The following ZNF169 variants were observed in gnomAD, a reference collection of about 807,000 sequenced individuals.
ZNF169 encodes zinc finger protein 169.
ZNF169 carries 11 observed loss-of-function variants against 12.0 expected under a neutral mutation model. The observed-to-expected ratio is 0.92, with a 90% CI of 0.58 to 1.52. The LOEUF (loss-of-function observed/expected upper bound fraction) is 1.52. Among genes scored for constraint, ZNF169 ranks in the 40% most tolerant of loss-of-function variants. The pLI is 0.00. For synonymous variants in ZNF169, 302 were observed against 286.5 expected, an observed-to-expected ratio of 1.05 and a Z score of -0.55; for missense variants, 722 against 744.0, an observed-to-expected ratio of 0.97 and a Z score of 0.34.
intron 1 of ZNF169, among the ~76,000 whole-genome samples, chr9:94,271,957 G>A (rs1379904693): frequency 1.5e-4 from 23 of 152,156 alleles, no homozygotes; most frequent in Non-Finnish European, 1.2e-4. Context: ...TTATCTGTGA[G>A]CCTGAACTTT....
rs369258975 is a variant in ZNF169, at chr9:94,292,356, C to T, written c.49C>T (p.Arg17Trp). Residue 17 changes from arginine (R) to tryptophan (W), a missense_variant, in exon 3 of 5, where the codon CGG (arginine) becomes TGG (tryptophan). Transcript: ENST00000395395. ...TTRKEALMAF[R>W]DVAVAFTQKE... is the part of the protein sequence containing the mutation. Reference sequence around the variant, plus strand: ...TGTGTTACAGGCATTGATGGCCTTCCGGGATGTGGCTGTGGCCTTCACCCA... The same window carrying T: ...TGTGTTACAGGCATTGATGGCCTTCTGGGATGTGGCTGTGGCCTTCACCCA... 27 of 1,614,074 alleles carry T rather than the reference C, an allele frequency of 1.7e-5. No individual in the cohort carries two copies. Among genetic ancestry groups the T allele is most frequent in the Middle Eastern group, 1.7e-4 (1 of 6,056 alleles).
rs1564094139 is a variant in ZNF169, at chr9:94,300,102, G to A, written c.544G>A (p.Gly182Arg). 6.2e-7 allele frequency: 1 copy of A among 1,614,080 alleles called. No individual in the cohort carries two copies. The highest frequency in any genetic ancestry group is 8.5e-7 in the Non-Finnish European group (1 of 1,180,046). Residue 182 changes from glycine (G) to arginine (R), a missense_variant, in exon 5 of 5, where the codon GGA becomes AGA. Physicochemically the swap from Gly to Arg is moderately radical, Grantham distance 125. Coordinates refer to ENST00000395395, the MANE Select transcript of ZNF169 (RefSeq NM_194320.4). ...AGAATGGGTAGAAGGGAACAGAGAA[G>A]GAGGAACAGACCTTCGCCTGGCCCA... ...PVEWVEGNRE[G>R]GTDLRLAQRM...
At chr9:94,290,519 A>G (rs1587685492) in intron 2 of ZNF169, among the ~76,000 whole-genome samples, 1 of 152,060 alleles carries the variant, frequency 6.6e-6, no homozygotes, top group East Asian at 1.9e-4. Context: ...TGACTGGCTT[A>G]TGTCACTTGG....
chr9:94,279,428 T>A (rs1830584267), intron 2 of ZNF169, among the ~76,000 whole-genome samples: 1 of 148,112 alleles, frequency 6.8e-6, no homozygotes, highest in African/African-American at 2.5e-5. Flanking sequence ...AAAGAGAAAT[T>A]GTCTGATTTG....
intron 1 of ZNF169, among the ~76,000 whole-genome samples, chr9:94,267,781 A>G (rs1830319446): frequency 1.3e-5 from 2 of 151,464 alleles, no homozygotes; most frequent in African/African-American, 4.8e-5. Flanking sequence ...CTCTATTCTG[A>G]TGTCACAATC....
intron 2 of ZNF169, among the ~76,000 whole-genome samples, chr9:94,282,896 TACTATTCAGA>T (rs1325023215): frequency 1.3e-5 from 2 of 152,182 alleles, no homozygotes; most frequent in Admixed American, 6.5e-5. Flanking sequence ...ATTTAAAATG[TACTATTCAGA>T]AGATTTTATT....
chr9:94,266,489 CATA>C (rs1830296315), intron 1 of ZNF169, among the ~76,000 whole-genome samples: 1 of 152,186 alleles, frequency 6.6e-6, no homozygotes. Flanking sequence ...CCTGCTGAAA[CATA>C]GTAGTGTGCA....
intron 1 of ZNF169, among the ~76,000 whole-genome samples, chr9:94,269,452 A>G (rs1027004387): frequency 2.6e-5 from 4 of 152,222 alleles, no homozygotes; most frequent in Non-Finnish European, 5.9e-5. Flanking sequence ...TTGCGCATGC[A>G]TGAAACAGCC....
In ZNF169 at chr9:94,300,448, G is replaced by A. The variant is rs752335559; in HGVS notation, c.890G>A (p.Arg297Gln). Residue 297 changes from arginine to glutamine, a missense_variant, in exon 5 of 5, where the codon CGA becomes CAA. By Grantham distance (43) the Arg-to-Gln change is conservative. Coordinates refer to ENST00000395395, the MANE Select transcript of ZNF169 (RefSeq NM_194320.4). ...EKPYVCRECGRHFRYTSSLTN... is the reference protein window; with the variant it reads ...EKPYVCRECGQHFRYTSSLTN... ...CCGTATGTGTGCAGGGAATGTGGGC[G>A]ACACTTCAGGTATACATCCTCTCTC... 6 of 1,614,080 alleles carry A rather than the reference G, an allele frequency of 3.7e-6. No homozygotes were observed. The highest frequency in any genetic ancestry group is 4.5e-5 in the East Asian group (2 of 44,866).
intron 2 of ZNF169, 141 bp downstream of exon 2, chr9:94,278,986 T>A: frequency 1.3e-6 from 1 of 768,356 alleles, no homozygotes; most frequent in East Asian, 2.7e-5. Context: ...TTTCTCTCAG[T>A]CTTATTTGCT....
chr9:94,281,652 T>C (rs1040304680), intron 2 of ZNF169, among the ~76,000 whole-genome samples: 17 of 152,246 alleles, frequency 1.1e-4, no homozygotes, highest in African/African-American at 3.9e-4. Flanking sequence ...GTGTACAGCT[T>C]AGTTTTATAT....
At chr9:94,277,744 A>G (rs1476412812) in intron 1 of ZNF169, among the ~76,000 whole-genome samples, 1 of 151,864 alleles carries the variant, frequency 6.6e-6, no homozygotes, top group African/African-American at 2.4e-5. Flanking sequence ...ATCCTGGCTA[A>G]CACAGTGAAA....
chr9:94,277,463 A>G (rs1830544243), intron 1 of ZNF169, among the ~76,000 whole-genome samples: 1 of 152,194 alleles, frequency 6.6e-6, no homozygotes, highest in Non-Finnish European at 1.5e-5. Flanking sequence ...ATTTCAAGGT[A>G]TGGCAAGTAA....
chr9:94,264,227 C>T (rs184366638), intron 1 of ZNF169, among the ~76,000 whole-genome samples: 9 of 152,314 alleles, frequency 5.9e-5, no homozygotes, highest in Admixed American at 5.2e-4. Flanking sequence ...ACTTCTGCCT[C>T]GCGGGTTCAA....
intron 3 of ZNF169, 163 bp downstream of exon 3, chr9:94,292,630 TG>T: frequency 1.2e-6 from 1 of 852,630 alleles, no homozygotes; most frequent in Non-Finnish European, 1.8e-6. Flanking sequence ...TGTGTGTGTG[TG>T]TGTGTGTGTG....
chr9:94,263,615 G>A (rs1174988351), intron 1 of ZNF169, among the ~76,000 whole-genome samples: 2 of 150,864 alleles, frequency 1.3e-5, no homozygotes, highest in African/African-American at 2.4e-5. Context: ...TCTCCAACTC[G>A]TGGGCTTAAG....
chr9:94,269,322 G>T (rs1830350450), intron 1 of ZNF169, among the ~76,000 whole-genome samples: 1 of 151,874 alleles, frequency 6.6e-6, no homozygotes, highest in African/African-American at 2.4e-5. Flanking sequence ...CGGACAAATG[G>T]CTTCGCAAGC....
At chr9:94,268,461 A>G (rs1830330848) in intron 1 of ZNF169, among the ~76,000 whole-genome samples, 1 of 152,280 alleles carries the variant, frequency 6.6e-6, no homozygotes, top group African/African-American at 2.4e-5. Context: ...TAATTTTTAT[A>G]CCAAATAAGC....
Position 94,301,080 on chromosome 9 carries a change from C to T in ZNF169, c.1522C>T (p.His508Tyr). ...KSLLTRHQRT[H>Y]SEEELYVDRV... Reference sequence around the variant, plus strand: ...GCTCCTCACCCGACACCAGAGGACACACTCAGAGGAGGAGCTTTACGTAGA... The same window carrying T: ...GCTCCTCACCCGACACCAGAGGACATACTCAGAGGAGGAGCTTTACGTAGA... Residue 508 changes from histidine to tyrosine, a missense_variant, in exon 5 of 5, where the codon CAC (histidine) becomes TAC (tyrosine). By Grantham distance (83) the His-to-Tyr change is moderately conservative. Transcript: ENST00000395395. The T allele has an allele frequency of 6.2e-7, 1 of 1,614,082 alleles. No individual in the cohort carries two copies.
Sources: gnomAD v4.1 joint callset for allele counts (sites outside exome capture counted in the v4.1 genomes callset) on GRCh38, gnomAD v4.1.1 for gene constraint, MANE v1.5 for transcripts, NCBI Gene and HGNC (gene_info 2026-07-23, HGNC 2026-07-21) for gene names.